The following GPC5 variants were observed in gnomAD, a reference collection of about 807,000 sequenced individuals.
The protein encoded by GPC5 is glypican-5.
A neutral mutation model predicts 53.9 loss-of-function variants in GPC5; 47 were observed. The ratio of observed to expected loss-of-function variants is 0.87; its 90% CI spans 0.69 to 1.11. GPC5 has a LOEUF of 1.11. Ranked by LOEUF, GPC5 falls within the 50% of genes most tolerant of loss-of-function variation. GPC5 has a pLI of 0.00. For missense variants in GPC5, 748 were observed against 713.1 expected (o/e 1.05, Z -0.56); for synonymous variants, 286 against 263.3 (o/e 1.09, Z -0.84).
chr13:91,956,774 G>A (rs1465845696), intron 6 of GPC5, among the ~76,000 whole-genome samples: 1 of 152,134 alleles, frequency 6.6e-6, no homozygotes, highest in African/African-American at 2.4e-5. Context: ...CAAAGCCAAA[G>A]TACCCTATCC....
At chr13:91,603,186 C>A (rs1261748848) in intron 2 of GPC5, among the ~76,000 whole-genome samples, 1 of 152,190 alleles carries the variant, frequency 6.6e-6, no homozygotes, top group African/African-American at 2.4e-5. Flanking sequence ...AGAGTAAGAT[C>A]CCTCTTGTTT....
intron 7 of GPC5, among the ~76,000 whole-genome samples, chr13:92,554,896 G>A (rs1882439518): frequency 6.7e-6 from 1 of 149,848 alleles, no homozygotes; most frequent in Admixed American, 6.7e-5. Context: ...GATAATTTTG[G>A]GTATTTTTTT....
At chr13:92,307,927 A>C (rs965328445) in intron 7 of GPC5, among the ~76,000 whole-genome samples, 1 of 152,218 alleles carries the variant, frequency 6.6e-6, no homozygotes, top group African/African-American at 2.4e-5. Flanking sequence ...AATACACCTA[A>C]GTGTATGCCT....
At chr13:92,862,813 C>A (rs1224058733) in intron 7 of GPC5, among the ~76,000 whole-genome samples, 2 of 152,104 alleles carry the variant, frequency 1.3e-5, no homozygotes, top group East Asian at 3.9e-4. Context: ...CTTGTCCATG[C>A]AATTTTATTA....
Position 92,396,807 on chromosome 13 carries a change from G to A in GPC5, c.1561+251818G>A, listed in dbSNP as rs184785406. On this transcript the variant is annotated intron_variant, in intron 7 of 7. Coordinates refer to ENST00000377067, the MANE Select transcript of GPC5 (RefSeq NM_004466.6). ...TGTCTTGTAGAGGGCCTCTTTCTCTGGACTGTGACCTTTGCATAGCTCCTT... is the reference window on the plus strand; with the variant it reads ...TGTCTTGTAGAGGGCCTCTTTCTCTAGACTGTGACCTTTGCATAGCTCCTT... Among the ~76,000 whole-genome samples the A allele has an allele frequency of 3.5e-3, 540 of 152,248 alleles. 1 individual carries two copies. The highest frequency in any genetic ancestry group is 0.012 in the African/African-American group (494 of 41,548).
At chr13:92,820,403 A>G (rs980510077) in intron 7 of GPC5, among the ~76,000 whole-genome samples, 20 of 152,158 alleles carry the variant, frequency 1.3e-4, no homozygotes, top group African/African-American at 4.6e-4. Flanking sequence ...ACTGTCTACA[A>G]CCATCATCTC....
chr13:92,833,903 G>A (rs1878135806), intron 7 of GPC5, among the ~76,000 whole-genome samples: 1 of 152,124 alleles, frequency 6.6e-6, no homozygotes, highest in African/African-American at 2.4e-5. Flanking sequence ...CAAGATTATA[G>A]AAGGCTTTGT....
chr13:92,465,375 C>T (rs1878649524), intron 7 of GPC5, among the ~76,000 whole-genome samples: 1 of 152,020 alleles, frequency 6.6e-6, no homozygotes, highest in Non-Finnish European at 1.5e-5. Flanking sequence ...TTTAGACATA[C>T]AGATGAAGAT....
intron 2 of GPC5, among the ~76,000 whole-genome samples, chr13:91,676,352 C>T (rs1023541469): frequency 5.9e-5 from 9 of 152,024 alleles, no homozygotes; most frequent in African/African-American, 1.9e-4. Flanking sequence ...ATTACAGACA[C>T]GAGCCACCGC....
intron 7 of GPC5, among the ~76,000 whole-genome samples, chr13:92,272,464 A>G (rs995528617): frequency 2.0e-5 from 3 of 152,190 alleles, no homozygotes; most frequent in East Asian, 1.9e-4. Context: ...TTTGAAAGAC[A>G]ATAGGAAGAT....
chr13:91,727,655 T>C, intron 3 of GPC5, among the ~76,000 whole-genome samples: 1 of 152,178 alleles, frequency 6.6e-6, no homozygotes. Flanking sequence ...TGTTCTAACT[T>C]CTTCATTGTG....
At chr13:91,625,904 A>G (rs1041883954) in intron 2 of GPC5, among the ~76,000 whole-genome samples, 2 of 152,078 alleles carry the variant, frequency 1.3e-5, no homozygotes, top group African/African-American at 4.8e-5. Flanking sequence ...TTCAAATGTC[A>G]ATTTTACTCT....
Position 91,957,225 on chromosome 13 carries a change from A to G in GPC5, c.1401+49168A>G, listed in dbSNP as rs1362719253. Among the ~76,000 whole-genome samples the G allele has an allele frequency of 2.0e-5, 3 of 152,140 alleles. No individual in the cohort carries two copies. In the East Asian group the frequency reaches 5.8e-4, roughly 29 times the overall value. On this transcript the variant is annotated intron_variant, in intron 6 of 7. Transcript: ENST00000377067. ...TTCAACAATAAACTATATCAAGCGGAAGAAAGAATTTGAGAACTTGAAGAC... is the reference window on the plus strand; with the variant it reads ...TTCAACAATAAACTATATCAAGCGGGAGAAAGAATTTGAGAACTTGAAGAC...
At chr13:92,075,888 T>C (rs2041247878) in intron 6 of GPC5, among the ~76,000 whole-genome samples, 1 of 152,230 alleles carries the variant, frequency 6.6e-6, no homozygotes, top group Admixed American at 6.5e-5. Flanking sequence ...CTTTAAATTC[T>C]AGGCTATCTG....
chr13:92,073,871 T>C (rs1158962300), intron 6 of GPC5, among the ~76,000 whole-genome samples: 3 of 152,160 alleles, frequency 2.0e-5, no homozygotes, highest in Admixed American at 6.5e-5. Context: ...AATTGAATCA[T>C]GGGGGCTGTT....
At chr13:91,452,528 A>G (rs1373550230) in intron 2 of GPC5, among the ~76,000 whole-genome samples, 2 of 152,152 alleles carry the variant, frequency 1.3e-5, no homozygotes, top group East Asian at 3.9e-4. Flanking sequence ...ACAGCCCAGG[A>G]TAATACAAGA....
intron 2 of GPC5, among the ~76,000 whole-genome samples, chr13:91,586,581 G>A (rs1349466895): frequency 2.5e-5 from 3 of 121,820 alleles, no homozygotes; most frequent in Non-Finnish European, 5.2e-5. Flanking sequence ...GAGAGAGAGA[G>A]AGAGAGAGAG....
At chr13:91,583,606 G>GT (rs58859193) in intron 2 of GPC5, among the ~76,000 whole-genome samples, 143,038 of 151,894 alleles carry the variant, frequency 0.94, 67,355 homozygotes, top group East Asian at 1. Flanking sequence ...TTTTGTCAAG[G>GT]TTTTTTTTGT....
intron 2 of GPC5, among the ~76,000 whole-genome samples, chr13:91,616,997 G>GT (rs899839588): frequency 2.6e-5 from 4 of 152,002 alleles, no homozygotes; most frequent in African/African-American, 9.7e-5. Flanking sequence ...TTCACAAGAG[G>GT]TTTTTGTTAA....
Sources: allele counts gnomAD v4.1 joint callset (sites outside exome capture counted in the v4.1 genomes callset), GRCh38; gene constraint gnomAD v4.1.1; transcripts MANE v1.5; gene names NCBI Gene and HGNC (gene_info 2026-07-23, HGNC 2026-07-21).